The following AHRR variants were observed in gnomAD, a reference collection of about 807,000 sequenced individuals.
The protein encoded by AHRR is aryl hydrocarbon receptor repressor, also known as ahR repressor.
In AHRR, 28 loss-of-function variants were observed where a neutral mutation model predicts 44.0. The ratio of observed to expected loss-of-function variants is 0.64; its 90% CI spans 0.47 to 0.87. The LOEUF (loss-of-function observed/expected upper bound fraction) is 0.87, where lower values mean the gene tolerates loss of function less well. AHRR is among the 40% of genes least tolerant of loss of function. The pLI, the probability that AHRR is intolerant of heterozygous loss-of-function variation, is 0.00. For synonymous variants in AHRR, 434 were observed against 407.0 expected (o/e 1.07, Z -0.80); for missense variants, 990 against 953.9 (o/e 1.04, Z -0.50).
At chr5:340,490 A>C (rs1295081400) in intron 1 of AHRR, among the ~76,000 whole-genome samples, 1 of 150,690 alleles carries the variant, frequency 6.6e-6, no homozygotes, top group Non-Finnish European at 1.5e-5. Context: ...GTGGAGAGAG[A>C]GAGCTCTGAT....
chr5:433,834 C>A lies in AHRR; in HGVS notation c.1113-19C>A. 6.8e-7 allele frequency: 1 copy of A among 1,481,248 alleles called. No homozygotes were observed. Among genetic ancestry groups the A allele is most frequent in the Non-Finnish European group, 8.9e-7 (1 of 1,118,316 alleles). The allele number at this position is 1,481,248 out of a possible 1,614,324, so 91.8% of individuals were successfully genotyped here. A position where few individuals can be genotyped will look rare whatever the true frequency, so the allele number is the denominator to read the frequency against. On this transcript the variant is annotated intron_variant, in intron 10 of 10. Coordinates refer to ENST00000684583, the MANE Select transcript of AHRR (RefSeq NM_001377236.1). The stretch of plus-strand genomic sequence containing the variant: ...GTGTCTTCAGCTGCTGTCAAATGGG[C>A]CCCGTCTTTTCTCTGCAGGGACAGG...
At chr5:382,793 C>T (rs1734035646) in intron 4 of AHRR, among the ~76,000 whole-genome samples, 1 of 128,926 alleles carries the variant, frequency 7.8e-6, no homozygotes, top group African/African-American at 3.4e-5. Context: ...TAATTTATTT[C>T]CTTCTACTTG....
At position 411,714 on chromosome 5, in the gene AHRR, A is replaced by G. The variant is rs115628138; in HGVS notation, c.352-1630A>G. Reference sequence around the variant, plus strand: ...AAAAAGAAAAAAGGAAAATAAAAGTACCCAGCATGGTCCAGATTTAAGGGA... The same window carrying G: ...AAAAAGAAAAAAGGAAAATAAAAGTGCCCAGCATGGTCCAGATTTAAGGGA... On this transcript the variant is annotated intron_variant, in intron 4 of 10. Coordinates refer to ENST00000684583, the MANE Select transcript of AHRR (RefSeq NM_001377236.1). The surrounding 1 kb of genome is among the most constrained non-coding windows in gnomAD (Gnocchi z 4.2). 2.1e-3 allele frequency among the ~76,000 whole-genome samples: 319 copies of G among 152,316 alleles called. 1 individual carries two copies. Among genetic ancestry groups the G allele is most frequent in the African/African-American group, 6.5e-3 (270 of 41,572 alleles).
intron 3 of AHRR, among the ~76,000 whole-genome samples, chr5:364,011 C>T (rs1389521659): frequency 6.6e-6 from 1 of 152,214 alleles, no homozygotes; most frequent in Non-Finnish European, 1.5e-5. Context: ...GTCTTTGCTT[C>T]TTGGTATTTA....
chr5:363,186 C>T (rs1743238811), intron 3 of AHRR, among the ~76,000 whole-genome samples: 1 of 152,218 alleles, frequency 6.6e-6, no homozygotes, highest in Non-Finnish European at 1.5e-5. Flanking sequence ...GTAGCTATGG[C>T]TTCCAACCCT....
rs2126408681 is a variant in AHRR, at chr5:361,353, G to A, written c.244+7442G>A. On this transcript the variant is annotated intron_variant, in intron 3 of 10. Transcript: ENST00000684583. ...GGGAAGCCTCCTCAGCAGAGGCCAGGAGTGGGATGGCACCACGCCCGCAGA... is the reference window on the plus strand; with the variant it reads ...GGGAAGCCTCCTCAGCAGAGGCCAGAAGTGGGATGGCACCACGCCCGCAGA... Among the ~76,000 whole-genome samples the A allele has an allele frequency of 2.0e-5, 3 of 152,372 alleles. 1 individual carries two copies. In the Middle Eastern group the frequency reaches 0.01, roughly 518 times the overall value.
rs1220231453 is a variant in AHRR, at chr5:397,699, C to T, written c.352-15645C>T. The stretch of plus-strand genomic sequence containing the variant: ...CATCCATGTAGCCCCTGACCATCCA[C>T]GTAGCCCCTGACCGTCCACGTAGCT... On this transcript the variant is annotated intron_variant, in intron 4 of 10. Transcript: ENST00000684583. Among the ~76,000 whole-genome samples, 28 of 133,288 alleles carry T rather than the reference C, an allele frequency of 2.1e-4. 1 individual carries two copies. The highest frequency in any genetic ancestry group is 2.5e-4 in the South Asian group (1 of 3,942). 87.4% of individuals were successfully genotyped at this position (133,288 alleles called of 152,430 possible). A position where few individuals can be genotyped will look rare whatever the true frequency, so the allele number is the denominator to read the frequency against.
chr5:331,565 G>T (rs1160100910), intron 1 of AHRR, among the ~76,000 whole-genome samples: 1 of 152,126 alleles, frequency 6.6e-6, no homozygotes, highest in Non-Finnish European at 1.5e-5. Context: ...TTGTTAACTT[G>T]TAATCTTTCT....
intron 3 of AHRR, chr5:367,990 G>T (rs755404645): frequency 5.7e-6 from 4 of 698,584 alleles, no homozygotes; most frequent in Non-Finnish European, 1.0e-5. Context: ...GTAGTGATGT[G>T]TGAGGACAAT....
chr5:375,417 T>G (rs879688938), intron 3 of AHRR, among the ~76,000 whole-genome samples: 3 of 152,080 alleles, frequency 2.0e-5, no homozygotes, highest in Non-Finnish European at 2.9e-5. Flanking sequence ...GGTGGGGGGC[T>G]GCTTTGGAAA....
intron 3 of AHRR, among the ~76,000 whole-genome samples, chr5:367,642 G>C (rs1164280971): frequency 1.3e-5 from 2 of 152,178 alleles, no homozygotes; most frequent in Non-Finnish European, 2.9e-5. Flanking sequence ...CCCTCCTGCT[G>C]GGTCTCTTGT....
rs779429000 is a variant in AHRR at position 404,284 on chromosome 5, CAT to C, written c.352-9059_352-9058del. The C allele has an allele frequency of 1.4e-4, 68 of 496,130 alleles. No homozygotes were observed. Among genetic ancestry groups the C allele is most frequent in the East Asian group, 5.6e-4 (11 of 19,534 alleles). The allele number at this position is 496,130 out of a possible 1,614,324, so 30.7% of individuals were successfully genotyped here. The stretch of plus-strand genomic sequence containing the variant: ...CCAAATCATTGCCCTTCTCATCAAA[CAT>C]GTGAATAATTCGCTAATTTTTCTTC... On this transcript the variant is annotated intron_variant, in intron 4 of 10. Transcript: ENST00000684583. The surrounding 1 kb of genome is among the most constrained non-coding windows in gnomAD (Gnocchi z 4.1).
intron 3 of AHRR, chr5:367,787 CCTT>C (rs1421132765): frequency 5.7e-6 from 4 of 699,188 alleles, no homozygotes; most frequent in African/African-American, 1.7e-5. Context: ...CTGTCCCCCT[CCTT>C]CTCTGTTGTA....
chr5:405,151 G>T lies in AHRR; in HGVS notation c.352-8193G>T, dbSNP rs1388687450. Among the ~76,000 whole-genome samples the T allele has an allele frequency of 6.6e-6, 1 of 152,112 alleles. No individual in the cohort carries two copies. The highest frequency in any genetic ancestry group is 1.5e-5 in the Non-Finnish European group (1 of 68,018). On this transcript the variant is annotated intron_variant, in intron 4 of 10. Coordinates refer to ENST00000684583, the MANE Select transcript of AHRR (RefSeq NM_001377236.1). The surrounding 1 kb of genome is among the most constrained non-coding windows in gnomAD (Gnocchi z 4.5). ...TTGGGGAAATCTGGGCAAACCGAGA[G>T]CTTGTGAACAGCCCCGATGGGTCCA...
chr5:413,343 G>A lies in AHRR; in HGVS notation c.352-1G>A. Reference sequence around the variant, plus strand: ...TTTTTTTGTTTTGTTTTTTCTTCTAGTCTCTTAATGGCTTTGCTCTGGTCG... The same window carrying A: ...TTTTTTTGTTTTGTTTTTTCTTCTAATCTCTTAATGGCTTTGCTCTGGTCG... On this transcript the variant is annotated splice_acceptor_variant, in intron 4 of 10. Coordinates refer to ENST00000684583, the MANE Select transcript of AHRR (RefSeq NM_001377236.1). LOFTEE classifies it high-confidence loss of function. The A allele has an allele frequency of 5.1e-6, 8 of 1,581,190 alleles. No homozygotes were observed. The highest frequency in any genetic ancestry group is 6.9e-6 in the Non-Finnish European group (8 of 1,166,082).
chr5:422,664 C>T lies in AHRR; in HGVS notation c.442-65C>T, dbSNP rs1736185586. 9.9e-6 allele frequency: 16 copies of T among 1,610,912 alleles called. No individual in the cohort carries two copies. The Admixed American group carries it at 1.3e-4, about 13-fold the overall frequency. Reference sequence around the variant, plus strand: ...GAGTGGAAATTTTTCGGTTACTCGTCGGTGGAATAAAGTGTCTAAAGCCAC... The same window carrying T: ...GAGTGGAAATTTTTCGGTTACTCGTTGGTGGAATAAAGTGTCTAAAGCCAC... On this transcript the variant is annotated intron_variant, in intron 5 of 10. Transcript: ENST00000684583.
At chr5:432,724 C>T (rs1362674708) in intron 9 of AHRR, 82 bp from the exon 10 acceptor site, 1 of 1,606,040 alleles carries the variant, frequency 6.2e-7, no homozygotes, top group African/African-American at 1.3e-5. Flanking sequence ...ATGGGTCCTG[C>T]CTTGCTGAGA....
At chr5:396,436 G>A (rs116302001) in intron 4 of AHRR, among the ~76,000 whole-genome samples, 10,941 of 152,246 alleles carry the variant, frequency 0.072, 532 homozygotes, top group Admixed American at 0.12. Context: ...CCTGGCATAC[G>A]CCGGCCACCG....
chr5:376,372 G>T (rs929631652), intron 3 of AHRR, among the ~76,000 whole-genome samples: 4 of 152,148 alleles, frequency 2.6e-5, no homozygotes, highest in South Asian at 4.1e-4. Context: ...TCCATGTCCT[G>T]GTGTCCCCCT....
Sources: allele counts gnomAD v4.1 joint callset (sites outside exome capture counted in the v4.1 genomes callset), GRCh38; gene constraint gnomAD v4.1.1; non-coding constraint Gnocchi (gnomAD v3.1); transcripts MANE v1.5; gene names NCBI Gene and HGNC (gene_info 2026-07-23, HGNC 2026-07-21).